The following MLPH variants were observed in gnomAD, a reference collection of about 807,000 sequenced individuals.
The protein encoded by MLPH is melanophilin, also known as exophilin-3.
MLPH carries 51 observed loss-of-function variants against 72.1 expected under a neutral mutation model. The ratio of observed to expected loss-of-function variants is 0.71; its 90% CI spans 0.56 to 0.89. The LOEUF (loss-of-function observed/expected upper bound fraction) is 0.89. MLPH is among the 40% of genes least tolerant of loss of function. The pLI, the probability that MLPH is intolerant of heterozygous loss-of-function variation, is 0.00. For missense variants in MLPH, 743 were observed against 759.9 expected (o/e 0.98, Z 0.26); for synonymous variants, 301 against 310.1 (o/e 0.97, Z 0.31).
chr2:237,549,925 G>C lies in MLPH; in HGVS notation c.1675+647G>C, dbSNP rs117506081. ...CAGCTGCAGTCCTTGCAGACAGTGTGTGTCCCTCCTCTGCTCACAAGCAAT... is the reference window on the plus strand; with the variant it reads ...CAGCTGCAGTCCTTGCAGACAGTGTCTGTCCCTCCTCTGCTCACAAGCAAT... On this transcript the variant is annotated intron_variant, in intron 14 of 15. Coordinates refer to ENST00000264605, the MANE Select transcript of MLPH (RefSeq NM_024101.7). 2.6e-4 allele frequency among the ~76,000 whole-genome samples: 39 copies of C among 152,324 alleles called. No homozygotes were observed. In the East Asian group the frequency reaches 7.5e-3, roughly 29 times the overall value.
chr2:237,498,170 C>G (rs546837106), intron 2 of MLPH, among the ~76,000 whole-genome samples: 2 of 152,198 alleles, frequency 1.3e-5, no homozygotes, highest in South Asian at 2.1e-4. Context: ...AGACTCAAGG[C>G]CAGTGCCCCA....
chr2:237,507,062 C>CTTTTTTTT (rs61091364), intron 2 of MLPH, among the ~76,000 whole-genome samples: 14 of 94,544 alleles, frequency 1.5e-4, no homozygotes, highest in Non-Finnish European at 2.0e-4. Flanking sequence ...TTTTTTTTTT[C>CTTTTTTTT]TTTTTTTTTT....
Position 237,519,811 on chromosome 2 carries a change from T to C in MLPH, c.556-99T>C, listed in dbSNP as rs75559690. 0.15 allele frequency: 228,180 copies of C among 1,573,364 alleles called. 17,984 individuals carry two copies. Among genetic ancestry groups the C allele is most frequent in the African/African-American group, 0.25 (18,822 of 74,116 alleles). On this transcript the variant is annotated intron_variant, in intron 5 of 15. Coordinates refer to ENST00000264605, the MANE Select transcript of MLPH (RefSeq NM_024101.7). Reference sequence around the variant, plus strand: ...CTGGGAGAGGAGCCTGCCCCGCCCCTCTGGGGGCTGAGTGTGGGGTTGGGG... The same window carrying C: ...CTGGGAGAGGAGCCTGCCCCGCCCCCCTGGGGGCTGAGTGTGGGGTTGGGG...
At chr2:237,491,072 T>G (rs780751844) in intron 1 of MLPH, among the ~76,000 whole-genome samples, 7 of 152,242 alleles carry the variant, frequency 4.6e-5, no homozygotes, top group Non-Finnish European at 8.8e-5. Context: ...CCAGAAAATG[T>G]CCCTTTTCAT....
chr2:237,538,826 G>A (rs188503667), intron 9 of MLPH, among the ~76,000 whole-genome samples: 2 of 152,354 alleles, frequency 1.3e-5, no homozygotes, highest in African/African-American at 4.8e-5. Flanking sequence ...GGTGGAGGAA[G>A]GTACAGAAAA....
intron 6 of MLPH, among the ~76,000 whole-genome samples, chr2:237,521,775 TTCAAACACCTGCTATGACTATAGTGC>T (rs2080188171): frequency 7.9e-6 from 1 of 126,936 alleles, no homozygotes; most frequent in African/African-American, 5.0e-5. Flanking sequence ...GGGTTGGGCC[TTCAAACACCTGCTATGACTATAGTGC>T]TGGAGCGGAG....
rs1574862219 is a variant in MLPH at position 237,518,621 on chromosome 2, G to A, written c.528G>A (p.Gln176=). The part of the protein sequence containing the change: ...DEDGEPGSEA[Q]AQAQPFGSKK... Reference sequence around the variant, plus strand: ...ATGGAGAACCTGGCTCAGAGGCCCAGGCCCAGGCCCAGCCCTTTGGCAGCA... The same window carrying A: ...ATGGAGAACCTGGCTCAGAGGCCCAAGCCCAGGCCCAGCCCTTTGGCAGCA... The change falls in exon 5 of 16, where the codon CAG becomes CAA. Residue 176 remains glutamine (Q), a synonymous_variant. Coordinates refer to ENST00000264605, the MANE Select transcript of MLPH (RefSeq NM_024101.7). The A allele has an allele frequency of 6.2e-7, 1 of 1,613,424 alleles. No individual in the cohort carries two copies. Among genetic ancestry groups the A allele is most frequent in the East Asian group, 2.2e-5 (1 of 44,888 alleles).
Position 237,540,483 on chromosome 2 carries a change from G to C in MLPH, c.1240G>C (p.Glu414Gln), listed in dbSNP as rs61737688. ...GGAGGAAGCCAAGGACGAAAAGGCA[G>C]AGCCCAACAGGGACAAATCAGTTGG... ...EEEEAKDEKA[E>Q]PNRDKSVGPL... Residue 414 changes from glutamate to glutamine, a missense_variant, in exon 10 of 16, where the codon GAG becomes CAG. Glu to Gln is a conservative substitution (Grantham distance 29, BLOSUM62 2). Coordinates refer to ENST00000264605, the MANE Select transcript of MLPH (RefSeq NM_024101.7). 3.5e-4 allele frequency: 557 copies of C among 1,613,052 alleles called. 1 individual carries two copies. The African/African-American group carries it at 5.7e-3, about 17-fold the overall frequency.
intron 1 of MLPH, among the ~76,000 whole-genome samples, chr2:237,490,960 T>C (rs1237712742): frequency 6.6e-6 from 1 of 152,222 alleles, no homozygotes; most frequent in Non-Finnish European, 1.5e-5. Flanking sequence ...GCAAAAAAAT[T>C]CAACGAATTA....
intron 9 of MLPH, among the ~76,000 whole-genome samples, chr2:237,535,750 T>C (rs956767954): frequency 2.0e-5 from 3 of 152,174 alleles, no homozygotes; most frequent in African/African-American, 7.2e-5. Flanking sequence ...AAGTTTCACT[T>C]ATATAGGCAG....
intron 6 of MLPH, among the ~76,000 whole-genome samples, chr2:237,524,103 T>C (rs573976349): frequency 6.6e-6 from 1 of 151,994 alleles, no homozygotes; most frequent in Admixed American, 6.5e-5. Flanking sequence ...GCTGAGGCTA[T>C]TGGGTCAAAT....
intron 9 of MLPH, among the ~76,000 whole-genome samples, chr2:237,539,963 T>C (rs1320580451): frequency 6.6e-6 from 1 of 152,168 alleles, no homozygotes; most frequent in East Asian, 1.9e-4. Flanking sequence ...GCTGTCTGTG[T>C]ATTTCCCTGA....
chr2:237,532,341 A>T (rs921783398), intron 8 of MLPH, among the ~76,000 whole-genome samples: 1 of 152,200 alleles, frequency 6.6e-6, no homozygotes, highest in Non-Finnish European at 1.5e-5. Context: ...AGGGGTAAAG[A>T]CTTCCTGTAG....
intron 13 of MLPH, among the ~76,000 whole-genome samples, 178 bp downstream of exon 13, chr2:237,546,861 C>T (rs2080930851): frequency 6.6e-6 from 1 of 152,194 alleles, no homozygotes; most frequent in South Asian, 2.1e-4. Context: ...TGGCTTCCTC[C>T]GTGGCACACA....
intron 15 of MLPH, chr2:237,553,041 G>C: frequency 4.3e-6 from 2 of 461,286 alleles, no homozygotes; most frequent in Non-Finnish European, 9.1e-6. Flanking sequence ...GCATTTTCTG[G>C]AGTTTAAGTG....
In MLPH at chr2:237,540,849, G is replaced by A; in HGVS notation, c.1338G>A (p.Gln446=). Residue 446 remains glutamine (Q), a synonymous_variant, in exon 11 of 16, where the codon CAG becomes CAA. Coordinates refer to ENST00000264605, the MANE Select transcript of MLPH (RefSeq NM_024101.7). ...HQTNRQEKSP[Q]DPGDPVQYNR... is the part of the protein sequence containing the mutation. ...CCAACAGACAGGAAAAAAGCCCCCA[G>A]GACCCTGGGGACCCCGTCCAGTACA... The A allele has an allele frequency of 6.2e-7, 1 of 1,613,342 alleles. No homozygotes were observed. Among genetic ancestry groups the A allele is most frequent in the Non-Finnish European group, 8.5e-7 (1 of 1,180,000 alleles).
chr2:237,548,119 C>T (rs1308804512), intron 13 of MLPH, among the ~76,000 whole-genome samples: 9 of 152,196 alleles, frequency 5.9e-5, no homozygotes, highest in South Asian at 2.1e-4. Flanking sequence ...ACAAACCAGC[C>T]GGCTCAGGGC....
intron 2 of MLPH, among the ~76,000 whole-genome samples, chr2:237,496,407 C>A (rs2079536706): frequency 6.6e-6 from 1 of 152,126 alleles, no homozygotes. Flanking sequence ...CGTTTCCTGT[C>A]TGTGGCTCAC....
At chr2:237,514,210 G>C (rs1053526751) in intron 4 of MLPH, among the ~76,000 whole-genome samples, 97 of 152,000 alleles carry the variant, frequency 6.4e-4, no homozygotes, top group African/African-American at 2.2e-3. Context: ...TCTCTGGAGT[G>C]AGGGTCTTAT....
Sources: gnomAD v4.1 joint callset for allele counts (sites outside exome capture counted in the v4.1 genomes callset) on GRCh38, gnomAD v4.1.1 for gene constraint, MANE v1.5 for transcripts, NCBI Gene and HGNC (gene_info 2026-07-23, HGNC 2026-07-21) for gene names.